The following NCKAP1 variants were observed in gnomAD, a reference collection of about 807,000 sequenced individuals.
NCKAP1 encodes nck-associated protein 1.
NCKAP1 carries 21 observed loss-of-function variants against 151.2 expected under a neutral mutation model. The observed-to-expected ratio is 0.14, with a 90% CI of 0.10 to 0.20. The LOEUF is 0.20. NCKAP1 is among the 10% of genes least tolerant of loss of function. NCKAP1 has a pLI of 1.00. For missense variants in NCKAP1, 933 were observed against 1,352.1 expected (o/e 0.69, Z 4.86); for synonymous variants, 484 against 451.8 (o/e 1.07, Z -0.90).
chr2:182,928,667 A>G, intron 28 of NCKAP1, 116 bp downstream of exon 28: 1 of 636,760 alleles, frequency 1.6e-6, no homozygotes, highest in Non-Finnish European at 2.7e-6. Context: ...GGAAAAGGGA[A>G]ACAGACTACC....
Position 182,952,859 on chromosome 2 carries a change from C to T in NCKAP1, c.2437G>A (p.Ala813Thr). ...TTTTCTGTAGGTAAGTTCACAAACGCTTTCATTGCAGGAAAATATGCTATA... is the reference window on the plus strand; with the variant it reads ...TTTTCTGTAGGTAAGTTCACAAACGTTTTCATTGCAGGAAAATATGCTATA... ...GHIAYFPAMKAFVNLPTENEL... is the reference protein window; with the variant it reads ...GHIAYFPAMKTFVNLPTENEL... Residue 813 changes from alanine to threonine, a missense_variant, in exon 22 of 31, where the codon GCG (alanine) becomes ACG (threonine). Ala to Thr is a moderately conservative substitution (Grantham distance 58). Transcript: ENST00000361354. 2 of 1,612,240 alleles carry T rather than the reference C, an allele frequency of 1.2e-6. No individual in the cohort carries two copies. The highest frequency in any genetic ancestry group is 1.7e-6 in the Non-Finnish European group (2 of 1,178,978).
intron 24 of NCKAP1, among the ~76,000 whole-genome samples, chr2:182,936,297 A>G (rs1052539606): frequency 5.3e-5 from 8 of 152,264 alleles, no homozygotes; most frequent in Non-Finnish European, 1.2e-4. Flanking sequence ...GGAAGGGTCA[A>G]TATGATGGTT....
At chr2:183,004,488 C>CAAAAAA (rs34055584) in intron 2 of NCKAP1, among the ~76,000 whole-genome samples, 22 of 78,748 alleles carry the variant, frequency 2.8e-4, no homozygotes, top group African/African-American at 7.2e-4. Flanking sequence ...AAACAGCAAG[C>CAAAAAA]AAAAAAAAAA....
intron 10 of NCKAP1, 119 bp from the exon 11 acceptor site, chr2:182,983,501 T>C (rs147895693): frequency 1.6e-6 from 1 of 624,234 alleles, no homozygotes; most frequent in African/African-American, 1.9e-5. Flanking sequence ...CCAAAGTTCC[T>C]ATAAAAATCA....
chr2:183,003,121 G>T, intron 3 of NCKAP1, 91 bp from the exon 4 acceptor site: 1 of 1,316,830 alleles, frequency 7.6e-7, no homozygotes, highest in Non-Finnish European at 1.0e-6. Context: ...TTAAACTTCA[G>T]TTCTGGAAGA....
At chr2:182,932,612 G>C (rs779354170) in intron 26 of NCKAP1, among the ~76,000 whole-genome samples, 3 of 151,712 alleles carry the variant, frequency 2.0e-5, no homozygotes, top group African/African-American at 7.3e-5. Flanking sequence ...TTTTCTGATA[G>C]GTGCGTTATA....
At chr2:183,007,455 TCTAAATC>T (rs1424073529) in intron 2 of NCKAP1, among the ~76,000 whole-genome samples, 1 of 152,168 alleles carries the variant, frequency 6.6e-6, no homozygotes, top group Non-Finnish European at 1.5e-5. Flanking sequence ...TATTATGTAT[TCTAAATC>T]CTAAAGTATT....
rs1697501961 is a variant in NCKAP1 at position 182,963,677 on chromosome 2, A to C, written c.1761+999T>G. 3.3e-5 allele frequency among the ~76,000 whole-genome samples: 5 copies of C among 152,274 alleles called. No individual in the cohort carries two copies. In the South Asian group the frequency reaches 1.0e-3, roughly 32 times the overall value. On this transcript the variant is annotated intron_variant, in intron 17 of 30. Coordinates refer to ENST00000361354, the MANE Select transcript of NCKAP1 (RefSeq NM_013436.5). Reference sequence around the variant, plus strand: ...GGATGGATTCAAGACATGACATATAAATAAAATTAGAAGGATTTTATGGGT... The same window carrying C: ...GGATGGATTCAAGACATGACATATACATAAAATTAGAAGGATTTTATGGGT...
chr2:182,985,399 G>A (rs2105857733), intron 10 of NCKAP1, among the ~76,000 whole-genome samples: 1 of 152,124 alleles, frequency 6.6e-6, no homozygotes, highest in African/African-American at 2.4e-5. Flanking sequence ...ATTATTTTAT[G>A]AGAAAACTGG....
At chr2:182,952,286 C>G in intron 23 of NCKAP1, 119 bp downstream of exon 23, 1 of 582,532 alleles carries the variant, frequency 1.7e-6, no homozygotes. Context: ...TTTTCATTTT[C>G]ATATTAGTAC....
rs1696480969 is a variant in NCKAP1 at position 182,917,193 on chromosome 2, T to C, written c.*8509A>G. The C allele has an allele frequency of 6.6e-6, 1 of 152,134 alleles. No homozygotes were observed. Among genetic ancestry groups the C allele is most frequent in the Non-Finnish European group, 1.5e-5 (1 of 68,020 alleles). 9.4% of individuals were successfully genotyped at this position (152,134 alleles called of 1,614,324 possible). ...ACATTCTACACTTAGGGAAACAAAC[T>C]TGGAGAAGTTAAGTAATTTGTCCAT... On this transcript the variant is annotated 3_prime_UTR_variant, in exon 31 of 31. Transcript: ENST00000361354.
At chr2:182,989,241 T>C in intron 8 of NCKAP1, 55 bp from the exon 9 acceptor site, 1 of 1,434,040 alleles carries the variant, frequency 7.0e-7, no homozygotes, top group Non-Finnish European at 9.5e-7. Flanking sequence ...TTCCAAAGTT[T>C]GGTGACAGTG....
chr2:182,942,943 T>G (rs1261115039), intron 23 of NCKAP1, among the ~76,000 whole-genome samples: 3 of 152,176 alleles, frequency 2.0e-5, no homozygotes, highest in Non-Finnish European at 2.9e-5. Flanking sequence ...GAGAGAGACA[T>G]TCTGCTCTTT....
intron 2 of NCKAP1, among the ~76,000 whole-genome samples, chr2:183,005,851 T>A (rs1310912945): frequency 6.6e-6 from 1 of 152,182 alleles, no homozygotes; most frequent in Admixed American, 6.5e-5. Flanking sequence ...TCCCACCATT[T>A]AAACATGTCC....
At chr2:182,988,092 G>A (rs1698092852) in intron 9 of NCKAP1, among the ~76,000 whole-genome samples, 1 of 152,168 alleles carries the variant, frequency 6.6e-6, no homozygotes, top group South Asian at 2.1e-4. Context: ...GAAAAGGGCA[G>A]ATTCCTTTAA....
At chr2:182,932,856 A>G (rs1575013758) in intron 26 of NCKAP1, among the ~76,000 whole-genome samples, 1 of 152,132 alleles carries the variant, frequency 6.6e-6, no homozygotes, top group Non-Finnish European at 1.5e-5. Context: ...CCACTTAGGA[A>G]ATCATTTTGA....
At chr2:182,976,764 T>C (rs1483179462) in intron 15 of NCKAP1, 129 bp downstream of exon 15, 1 of 457,348 alleles carries the variant, frequency 2.2e-6, no homozygotes, top group Non-Finnish European at 3.7e-6. Flanking sequence ...AAAATGTTTC[T>C]TTTATGGTTA....
chr2:182,990,275 C>A (rs910347235), intron 8 of NCKAP1, among the ~76,000 whole-genome samples: 2 of 151,692 alleles, frequency 1.3e-5, no homozygotes, highest in African/African-American at 4.8e-5. Flanking sequence ...TGGTCTCAGG[C>A]CATCCTTCCA....
At chr2:182,937,829 T>C (rs1696911473) in intron 24 of NCKAP1, among the ~76,000 whole-genome samples, 1 of 152,090 alleles carries the variant, frequency 6.6e-6, no homozygotes, top group African/African-American at 2.4e-5. Context: ...TGTGAGTCAA[T>C]GGATAGATGG....
Sources: gnomAD v4.1 joint callset for allele counts (sites outside exome capture counted in the v4.1 genomes callset) on GRCh38, gnomAD v4.1.1 for gene constraint, MANE v1.5 for transcripts, NCBI Gene and HGNC (gene_info 2026-07-23, HGNC 2026-07-21) for gene names.